The following TBPL2 variants were observed in gnomAD, a reference collection of about 807,000 sequenced individuals.
The protein encoded by TBPL2 is TATA-box binding protein like 2.
A neutral mutation model predicts 38.2 loss-of-function variants in TBPL2; 40 were observed. The ratio of observed to expected loss-of-function variants is 1.05; its 90% CI spans 0.81 to 1.36. The LOEUF is 1.36. Ranked by LOEUF, TBPL2 falls within the 40% of genes most tolerant of loss-of-function variation. The pLI is 0.00. For synonymous variants in TBPL2, 169 were observed against 171.7 expected, an observed-to-expected ratio of 0.98 and a Z score of 0.12; for missense variants, 461 against 456.7, an observed-to-expected ratio of 1.01 and a Z score of -0.09.
intron 6 of TBPL2, among the ~76,000 whole-genome samples, chr14:55,419,046 C>T (rs571355749): frequency 6.6e-6 from 1 of 152,358 alleles, no homozygotes; most frequent in East Asian, 1.9e-4. Flanking sequence ...GCCACTACAC[C>T]TGCTGACCCT....
intron 3 of TBPL2, among the ~76,000 whole-genome samples, chr14:55,435,447 TG>T (rs1379214622): frequency 3.9e-5 from 6 of 152,126 alleles, no homozygotes; most frequent in African/African-American, 1.2e-4. Flanking sequence ...AGCTAATTTT[TG>T]TATTTTTAGT....
At chr14:55,417,453 TAAAA>T (rs539769285) in intron 6 of TBPL2, among the ~76,000 whole-genome samples, 1,514 of 91,336 alleles carry the variant, frequency 0.017, 42 homozygotes, top group African/African-American at 0.067. Context: ...ACCCTTGCCT[TAAAA>T]AAAAAAAAAA....
In TBPL2 at chr14:55,414,279, T is replaced by C. The variant is rs548278685; in HGVS notation, c.*100A>G. On this transcript the variant is annotated 3_prime_UTR_variant, in exon 7 of 7. Transcript: ENST00000247219. ...AGTCGCCCTTTAATAAGTAACGTAC[T>C]TGTAACATCTACAATTAAACGTAGA... 2.3e-4 allele frequency: 206 copies of C among 912,062 alleles called. 1 individual carries two copies. Among genetic ancestry groups the C allele is most frequent in the Middle Eastern group, 1.6e-3 (7 of 4,384 alleles). 56.5% of individuals were successfully genotyped at this position (912,062 alleles called of 1,614,324 possible). A position where few individuals can be genotyped will look rare whatever the true frequency, so the allele number is the denominator to read the frequency against.
chr14:55,434,271 TG>T (rs1239043562), intron 3 of TBPL2, among the ~76,000 whole-genome samples: 1 of 152,192 alleles, frequency 6.6e-6, no homozygotes, highest in Admixed American at 6.5e-5. Context: ...TCAAGGTTCT[TG>T]CCTCTTATAG....
At chr14:55,435,180 T>C (rs1487622877) in intron 3 of TBPL2, among the ~76,000 whole-genome samples, 3 of 152,182 alleles carry the variant, frequency 2.0e-5, no homozygotes, top group South Asian at 2.1e-4. Context: ...AATGGAAAGA[T>C]ACATAAGTGT....
intron 6 of TBPL2, among the ~76,000 whole-genome samples, chr14:55,422,191 G>T (rs186794456): frequency 1.3e-5 from 2 of 152,334 alleles, no homozygotes; most frequent in Middle Eastern, 3.4e-3. Context: ...GCGTTAAGTT[G>T]GTTGGCTAGC....
intron 4 of TBPL2, among the ~76,000 whole-genome samples, chr14:55,433,221 T>C (rs1035129865): frequency 6.6e-6 from 1 of 151,840 alleles, no homozygotes; most frequent in Non-Finnish European, 1.5e-5. Context: ...CTCAAACTCA[T>C]GGGCTCAGGT....
intron 1 of TBPL2, among the ~76,000 whole-genome samples, chr14:55,439,618 C>CCCCCCCCCCCGT (rs1555344751): frequency 1.7e-5 from 1 of 60,244 alleles, no homozygotes; most frequent in Non-Finnish European, 3.2e-5. Context: ...AAGCAAACCC[C>CCCCCCCCCCCGT]CCCCCGTCTC....
chr14:55,414,269 A>G, exon 7 of TBPL2: 5 of 814,426 alleles, frequency 6.1e-6, no homozygotes, highest in Non-Finnish European at 9.8e-6. Context: ...CCCTTTAATA[A>G]GTAACGTACT....
At chr14:55,414,881 T>A (rs1367262347) in intron 6 of TBPL2, among the ~76,000 whole-genome samples, 1 of 152,222 alleles carries the variant, frequency 6.6e-6, no homozygotes, top group Non-Finnish European at 1.5e-5. Context: ...AGCTTTAAAT[T>A]TGTTTTAAAT....
At chr14:55,417,673 G>A (rs1281373951) in intron 6 of TBPL2, among the ~76,000 whole-genome samples, 4 of 152,094 alleles carry the variant, frequency 2.6e-5, no homozygotes, top group South Asian at 4.1e-4. Flanking sequence ...TGTTGCCCAG[G>A]CTGGTCTCAA....
intron 6 of TBPL2, among the ~76,000 whole-genome samples, chr14:55,414,899 T>G (rs1180280402): frequency 6.6e-6 from 1 of 152,234 alleles, no homozygotes; most frequent in Non-Finnish European, 1.5e-5. Context: ...AATTTTAGTT[T>G]AAAATTCTAA....
At chr14:55,439,793 T>C (rs567109602) in intron 1 of TBPL2, among the ~76,000 whole-genome samples, 3 of 151,146 alleles carry the variant, frequency 2.0e-5, no homozygotes, top group Non-Finnish European at 4.4e-5. Context: ...TAGCCGGGCG[T>C]AGTGGCGGGC....
chr14:55,433,467 T>TA (rs960984928), intron 4 of TBPL2, among the ~76,000 whole-genome samples, 163 bp downstream of exon 4: 9 of 152,156 alleles, frequency 5.9e-5, no homozygotes, highest in Admixed American at 5.2e-4. Flanking sequence ...TCAGTATTTA[T>TA]AGGAGTGTTT....
In TBPL2 at chr14:55,429,099, C is replaced by G. The variant is rs913409240; in HGVS notation, c.789-125G>C. On this transcript the variant is annotated intron_variant, in intron 4 of 6. Transcript: ENST00000247219. ...TCAATGTATACTATGAAGCTGTAGG[C>G]TTTGTGAGGAGGACTTACTTCCCAT... is the stretch of plus-strand genomic sequence containing the variant. 3 of 1,200,224 alleles carry G rather than the reference C, an allele frequency of 2.5e-6. No individual in the cohort carries two copies. The African/African-American group carries it at 4.6e-5, about 18-fold the overall frequency. 74.3% of individuals were successfully genotyped at this position (1,200,224 alleles called of 1,614,324 possible). A position where few individuals can be genotyped will look rare whatever the true frequency, so the allele number is the denominator to read the frequency against.
At chr14:55,432,810 C>T (rs927956360) in intron 4 of TBPL2, among the ~76,000 whole-genome samples, 1 of 152,222 alleles carries the variant, frequency 6.6e-6, no homozygotes, top group African/African-American at 2.4e-5. Context: ...GGCTCTGCCA[C>T]TACAGAGTTA....
intron 5 of TBPL2, 40 bp from the exon 6 acceptor site, chr14:55,424,293 T>G: frequency 7.6e-7 from 1 of 1,316,100 alleles, no homozygotes; most frequent in South Asian, 1.2e-5. Context: ...AATAGCACTA[T>G]TCAGCTCCTT....
chr14:55,440,078 C>G (rs1244034332), intron 1 of TBPL2, among the ~76,000 whole-genome samples: 1 of 151,740 alleles, frequency 6.6e-6, no homozygotes, highest in African/African-American at 2.4e-5. Flanking sequence ...CCAGCCTGGG[C>G]GAGACTCCAT....
chr14:55,429,766 C>CAAAAAAAA (rs71131266), intron 4 of TBPL2, among the ~76,000 whole-genome samples: 5 of 52,386 alleles, frequency 9.5e-5, no homozygotes, highest in African/African-American at 1.9e-4. Flanking sequence ...AACTCCGTCT[C>CAAAAAAAA]AAAAAAAAAA....
Sources: allele counts gnomAD v4.1 joint callset (sites outside exome capture counted in the v4.1 genomes callset), GRCh38; gene constraint gnomAD v4.1.1; transcripts MANE v1.5; gene names NCBI Gene and HGNC (gene_info 2026-07-23, HGNC 2026-07-21).